MSN: variants seen among roughly 807,000 people sequenced by gnomAD.
MSN encodes epididymis luminal protein 70.
A neutral mutation model predicts 48.0 loss-of-function variants in MSN; 2 were observed. The ratio of observed to expected loss-of-function variants is 0.04; its 90% CI spans 0.02 to 0.13. The LOEUF is 0.13. MSN is among the 10% of genes least tolerant of loss of function. The pLI, the probability that MSN is intolerant of heterozygous loss-of-function variation, is 1.00. For missense variants in MSN, 267 were observed against 470.1 expected (o/e 0.57, Z 3.99); for synonymous variants, 146 against 166.9 (o/e 0.87, Z 0.97).
At chrX:65,661,898 C>A (rs1401961489) in intron 1 of MSN, among the ~76,000 whole-genome samples, 1 of 112,267 alleles carries the variant, frequency 8.9e-6, no homozygotes, top group Non-Finnish European at 1.9e-5. Flanking sequence ...GCCTGTAGTC[C>A]CAGATACTCA....
intron 1 of MSN, among the ~76,000 whole-genome samples, chrX:65,712,861 G>A (rs962208673): frequency 4.5e-5 from 5 of 110,662 alleles, no homozygotes; most frequent in African/African-American, 1.3e-4. Flanking sequence ...TTCTTTTAAT[G>A]GGAGACTTTT....
At chrX:65,669,120 T>C (rs2070904976) in intron 1 of MSN, among the ~76,000 whole-genome samples, 1 of 111,944 alleles carries the variant, frequency 8.9e-6, no homozygotes, top group Admixed American at 9.5e-5. Context: ...TCAAAAAGTA[T>C]GTGCTTTCAC....
At chrX:65,625,491 A>G (rs949500462) in intron 1 of MSN, 3 of 112,374 alleles carry the variant, frequency 2.7e-5, no homozygotes, top group Non-Finnish European at 5.6e-5. Context: ...ATAATTATAC[A>G]TTATTAATGA....
intron 3 of MSN, 75 bp downstream of exon 3, chrX:65,727,984 A>T: frequency 1.0e-6 from 1 of 956,773 alleles, no homozygotes; most frequent in Non-Finnish European, 1.5e-6. Context: ...ACCATGTGCT[A>T]GTTGGCAAAT....
chrX:65,658,810 T>G (rs2148378404), intron 1 of MSN, among the ~76,000 whole-genome samples: 1 of 111,761 alleles, frequency 8.9e-6, no homozygotes, highest in Non-Finnish European at 1.9e-5. Context: ...TAAATCAGCT[T>G]GATTTTTCTT....
intron 1 of MSN, among the ~76,000 whole-genome samples, chrX:65,647,375 C>A (rs925514776): frequency 9.0e-6 from 1 of 110,788 alleles, no homozygotes; most frequent in South Asian, 3.9e-4. Context: ...CCACACCCAG[C>A]TAATTTTTTG....
chrX:65,601,714 G>A (rs1306414555), intron 1 of MSN, among the ~76,000 whole-genome samples: 1 of 112,860 alleles, frequency 8.9e-6, no homozygotes, highest in Non-Finnish European at 1.9e-5. Context: ...GGAAAGGCCA[G>A]GAATGATGTC....
intron 1 of MSN, among the ~76,000 whole-genome samples, chrX:65,651,913 A>G (rs2070745458): frequency 9.5e-6 from 1 of 105,784 alleles, no homozygotes; most frequent in African/African-American, 3.4e-5. Context: ...GTTGCTCTTT[A>G]CTTGCTGTGT....
chrX:65,654,988 C>CT lies in MSN; in HGVS notation c.-21-61821dup, dbSNP rs903830178. On this transcript the variant is annotated intron_variant, in intron 1 of 3. Coordinates refer to the MSN transcript ENST00000609672. ...AGTGGTGAAAAAATATATTATATTCCTTTTTTTTTGTCTGTCTCCCTCACT... is the reference window on the plus strand; with the variant it reads ...AGTGGTGAAAAAATATATTATATTCCTTTTTTTTTTGTCTGTCTCCCTCACT... Among the ~76,000 whole-genome samples, 209 of 109,479 alleles carry CT rather than the reference C, an allele frequency of 1.9e-3. 1 individual carries two copies. The highest frequency in any genetic ancestry group is 0.018 in the Middle Eastern group (4 of 218).
At chrX:65,736,272 CAG>C (rs1397296780) in intron 8 of MSN, among the ~76,000 whole-genome samples, 2 of 110,649 alleles carry the variant, frequency 1.8e-5, no homozygotes, top group Admixed American at 9.6e-5. Flanking sequence ...ATTCCTGACT[CAG>C]GGGTACATTG....
intron 1 of MSN, among the ~76,000 whole-genome samples, chrX:65,695,568 C>G (rs2071228261): frequency 9.4e-6 from 1 of 106,490 alleles, no homozygotes; most frequent in South Asian, 4.3e-4. Flanking sequence ...TGGGCTCCCT[C>G]AAGTCCTGAA....
At chrX:65,602,695 G>A (rs760942166) in intron 1 of MSN, among the ~76,000 whole-genome samples, 21 of 111,915 alleles carry the variant, frequency 1.9e-4, no homozygotes, top group South Asian at 7.4e-4. Flanking sequence ...TATTTGTCTA[G>A]CTTTAGCTTC....
At chrX:65,613,984 C>T (rs2070344294) in intron 1 of MSN, among the ~76,000 whole-genome samples, 3 of 111,642 alleles carry the variant, frequency 2.7e-5, no homozygotes, top group Non-Finnish European at 5.6e-5. Flanking sequence ...AGGTTTTCTT[C>T]TAGGGTTTTT....
chrX:65,623,368 C>CTTTTTTTTTTTTTTTTTTTTTTTTTTT (rs773663630), intron 1 of MSN, among the ~76,000 whole-genome samples: 1 of 74,175 alleles, frequency 1.3e-5, no homozygotes, highest in Non-Finnish European at 2.7e-5. Flanking sequence ...TCTTTCTTTT[C>CTTTTTTTTTTTTTTTTTTTTTTTTTTT]TTTTTTTTTT....
chrX:65,638,720 T>G (rs1465387446), intron 1 of MSN, among the ~76,000 whole-genome samples: 1 of 111,774 alleles, frequency 8.9e-6, no homozygotes, highest in Non-Finnish European at 1.9e-5. Flanking sequence ...GCTGGGCTAA[T>G]TTTTTGTATT....
intron 12 of MSN, 74 bp downstream of exon 12, chrX:65,739,268 C>G: frequency 1.0e-6 from 1 of 977,550 alleles, no homozygotes; most frequent in East Asian, 3.3e-5. Flanking sequence ...CCTAGACCAT[C>G]ATGGGGGATA....
chrX:65,682,632 T>C (rs771797071), intron 1 of MSN, among the ~76,000 whole-genome samples: 7 of 112,194 alleles, frequency 6.2e-5, no homozygotes, highest in African/African-American at 2.3e-4. Flanking sequence ...AGCCCACTAG[T>C]GTGTAAGCTT....
At chrX:65,619,076 T>C (rs759477421) in intron 1 of MSN, among the ~76,000 whole-genome samples, 18 of 99,987 alleles carry the variant, frequency 1.8e-4, no homozygotes, top group East Asian at 3.0e-4. Context: ...CCGAGAGATC[T>C]GCTGTTAGTC....
At chrX:65,643,266 A>G (rs1353523872) in intron 1 of MSN, among the ~76,000 whole-genome samples, 5 of 111,557 alleles carry the variant, frequency 4.5e-5, no homozygotes, top group Admixed American at 9.6e-5. Context: ...AAAAATGCCA[A>G]TGATTCCGGG....
Sources: gnomAD v4.1 joint callset for allele counts (sites outside exome capture counted in the v4.1 genomes callset) on GRCh38, gnomAD v4.1.1 for gene constraint, MANE v1.5 for transcripts, NCBI Gene and HGNC (gene_info 2026-07-23, HGNC 2026-07-21) for gene names.